The following RPS6KA2 variants were observed in gnomAD, a reference collection of about 807,000 sequenced individuals.
The protein encoded by RPS6KA2 is ribosomal protein S6 kinase alpha-2.
Under a neutral mutation model 91.8 loss-of-function variants are expected in RPS6KA2, and 42 were observed. That is an observed-to-expected ratio of 0.46 (90% CI 0.36 to 0.59). RPS6KA2 has a LOEUF of 0.59. Ranked by LOEUF, RPS6KA2 falls within the 20% of genes least tolerant of loss-of-function variation. The probability of loss-of-function intolerance (pLI) is 0.00; values close to 1 mark genes in which losing one functional copy is unlikely to be tolerated. For missense variants in RPS6KA2, 798 were observed against 978.5 expected (o/e 0.82, Z 2.46); for synonymous variants, 414 against 393.6 (o/e 1.05, Z -0.61).
chr6:166,696,341 T>C (rs1046915855), intron 2 of RPS6KA2, among the ~76,000 whole-genome samples: 5 of 152,198 alleles, frequency 3.3e-5, no homozygotes, highest in African/African-American at 1.2e-4. Context: ...AATAGGTAGA[T>C]GGAAATGCAT....
At chr6:166,439,437 C>T (rs1160780323) in intron 14 of RPS6KA2, among the ~76,000 whole-genome samples, 2 of 152,212 alleles carry the variant, frequency 1.3e-5, no homozygotes, top group Non-Finnish European at 1.5e-5. Flanking sequence ...AACACTTAGC[C>T]TTTCACTACC....
At chr6:166,598,587 C>T (rs1017850141) in intron 1 of RPS6KA2, among the ~76,000 whole-genome samples, 3 of 152,174 alleles carry the variant, frequency 2.0e-5, no homozygotes, top group Non-Finnish European at 4.4e-5. Context: ...GGAGTCTGCC[C>T]ATCATGCACT....
In RPS6KA2 at chr6:166,651,899, C is replaced by T. The variant is rs116578508; in HGVS notation, c.124-113115G>A. 1.0e-3 allele frequency among the ~76,000 whole-genome samples: 157 copies of T among 152,376 alleles called. 2 individuals are homozygous for T. Among genetic ancestry groups the T allele is most frequent in the African/African-American group, 3.7e-3 (153 of 41,592 alleles). Reference sequence around the variant, plus strand: ...AGTTCAGGTGCACACGCACTGTGGACGCACACTGCACTGTGCCCCCCAACG... The same window carrying T: ...AGTTCAGGTGCACACGCACTGTGGATGCACACTGCACTGTGCCCCCCAACG... On this transcript the variant is annotated intron_variant, in intron 2 of 21. Coordinates refer to the RPS6KA2 transcript ENST00000503859.
chr6:166,654,406 G>A (rs1582989703), intron 2 of RPS6KA2, among the ~76,000 whole-genome samples: 1 of 151,240 alleles, frequency 6.6e-6, no homozygotes, highest in South Asian at 2.1e-4. Flanking sequence ...GTGAATTCTA[G>A]ACGGGCCCCA....
intron 11 of RPS6KA2, chr6:166,465,187 G>A (rs1780472882): frequency 6.6e-6 from 1 of 152,220 alleles, no homozygotes; most frequent in Non-Finnish European, 1.5e-5. Context: ...CTGCATTGCA[G>A]AGGGAACGGC....
chr6:166,587,918 T>C (rs1180891070), intron 1 of RPS6KA2, among the ~76,000 whole-genome samples: 3 of 152,176 alleles, frequency 2.0e-5, no homozygotes, highest in African/African-American at 7.2e-5. Context: ...TGCGCCCTCC[T>C]CACTCACTCA....
intron 2 of RPS6KA2, among the ~76,000 whole-genome samples, chr6:166,768,090 A>G (rs920523731): frequency 1.1e-4 from 16 of 152,202 alleles, no homozygotes; most frequent in Non-Finnish European, 2.2e-4. Flanking sequence ...TGATGGATCA[A>G]TGCAGCTCTA....
chr6:166,517,456 T>G (rs13211126), intron 3 of RPS6KA2, among the ~76,000 whole-genome samples: 3 of 13,776 alleles, frequency 2.2e-4, no homozygotes, highest in Admixed American at 9.5e-4. Context: ...TTTTGTTTTG[T>G]TTTTTTTTTT....
intron 10 of RPS6KA2, among the ~76,000 whole-genome samples, chr6:166,471,880 C>A (rs1780784098): frequency 6.6e-6 from 1 of 152,208 alleles, no homozygotes; most frequent in African/African-American, 2.4e-5. Flanking sequence ...TCCTCTAAAC[C>A]CTGAGCCCAG....
chr6:166,723,890 G>A (rs1346816015), intron 2 of RPS6KA2, among the ~76,000 whole-genome samples: 1 of 151,874 alleles, frequency 6.6e-6, no homozygotes, highest in Non-Finnish European at 1.5e-5. Flanking sequence ...AGTAGAGATG[G>A]GGTTTCTCCA....
chr6:166,670,222 C>T (rs1460528684), intron 2 of RPS6KA2, among the ~76,000 whole-genome samples: 2 of 152,244 alleles, frequency 1.3e-5, no homozygotes, highest in Non-Finnish European at 2.9e-5. Flanking sequence ...TTCACCGGTC[C>T]GTGCGGCCTT....
At position 166,856,384 on chromosome 6, in the gene RPS6KA2, C is replaced by T. The variant is rs117833306; in HGVS notation, c.123+1816G>A. On this transcript the variant is annotated intron_variant, in intron 2 of 21. Coordinates refer to the RPS6KA2 transcript ENST00000503859. ...CATGAACCAGAAAGTGTGCCTTCACCAGCCATCAAACCTGCCATGCCTTAA... is the reference window on the plus strand; with the variant it reads ...CATGAACCAGAAAGTGTGCCTTCACTAGCCATCAAACCTGCCATGCCTTAA... 7.2e-4 allele frequency among the ~76,000 whole-genome samples: 109 copies of T among 152,288 alleles called. 2 individuals are homozygous for T. The East Asian group carries it at 0.015, about 21-fold the overall frequency.
At chr6:166,697,513 TC>T (rs972622816) in intron 2 of RPS6KA2, among the ~76,000 whole-genome samples, 2 of 152,222 alleles carry the variant, frequency 1.3e-5, no homozygotes, top group Admixed American at 1.3e-4. Flanking sequence ...TTCTTCCTTT[TC>T]TGTTTTCTGA....
rs932979660 is a variant in RPS6KA2 at position 166,732,044 on chromosome 6, G to A, written c.123+126156C>T. 2.0e-5 allele frequency among the ~76,000 whole-genome samples: 3 copies of A among 152,162 alleles called. No homozygotes were observed. The highest frequency in any genetic ancestry group is 4.8e-5 in the African/African-American group (2 of 41,448). On this transcript the variant is annotated intron_variant, in intron 2 of 21. Transcript: ENST00000503859. The surrounding 1 kb of genome is among the most constrained non-coding windows in gnomAD (Gnocchi z 4.0). ...TATTAGTGGTGGCTACTGAGGAGACGGGAAGGGATGGGATTGGGGAGAAAT... is the reference window on the plus strand; with the variant it reads ...TATTAGTGGTGGCTACTGAGGAGACAGGAAGGGATGGGATTGGGGAGAAAT...
rs368402257 is a variant in RPS6KA2 at position 166,612,857 on chromosome 6, C to T, written c.99+14064G>A. On this transcript the variant is annotated intron_variant, in intron 1 of 20. Coordinates refer to ENST00000265678, the MANE Select transcript of RPS6KA2 (RefSeq NM_021135.6). The surrounding 1 kb of genome is among the most constrained non-coding windows in gnomAD (Gnocchi z 4.3). The stretch of plus-strand genomic sequence containing the variant: ...CTCCCTCTGGCCCTGCGCACTACGT[C>T]CCACTTGTTTCTTGACTCTTCTCCA... Among the ~76,000 whole-genome samples the T allele has an allele frequency of 2.3e-4, 35 of 152,300 alleles. No individual in the cohort carries two copies. The highest frequency in any genetic ancestry group is 8.4e-4 in the African/African-American group (35 of 41,562).
chr6:166,504,522 C>T lies in RPS6KA2; in HGVS notation c.550G>A (p.Asp184Asn). ...HLHSLGIIYR[D>N]LKPENILLDE... is the part of the protein sequence containing the mutation. ...CTCACTTACTTCTCAGGCTTCAGATCTCTGTAGATGATCCCCAGGCTGTGG... is the reference window on the plus strand; with the variant it reads ...CTCACTTACTTCTCAGGCTTCAGATTTCTGTAGATGATCCCCAGGCTGTGG... Residue 184 changes from aspartate (D) to asparagine (N), a missense_variant, in exon 6 of 21, where the codon GAT becomes AAT. Transcript: ENST00000265678. 1 of 1,610,434 alleles carries T rather than the reference C, an allele frequency of 6.2e-7. No individual in the cohort carries two copies.
intron 1 of RPS6KA2, among the ~76,000 whole-genome samples, chr6:166,610,861 T>C (rs973817074): frequency 2.0e-5 from 3 of 152,240 alleles, no homozygotes; most frequent in Admixed American, 1.3e-4. Flanking sequence ...ATAAATAATA[T>C]ACCTTTCCTA....
rs570633936 is a variant in RPS6KA2, at chr6:166,681,351, A to C, written c.124-142567T>G. Reference sequence around the variant, plus strand: ...CCCAAGAAAAATACGAGGCATAGCCAATGGCCTAGGATGCAAAATTATAAA... The same window carrying C: ...CCCAAGAAAAATACGAGGCATAGCCCATGGCCTAGGATGCAAAATTATAAA... On this transcript the variant is annotated intron_variant, in intron 2 of 21. Coordinates refer to the RPS6KA2 transcript ENST00000503859. Among the ~76,000 whole-genome samples the C allele has an allele frequency of 7.2e-5, 11 of 152,354 alleles. No homozygotes were observed. In the South Asian group the frequency reaches 1.7e-3, roughly 23 times the overall value.
chr6:166,572,016 A>G (rs1179038328), intron 1 of RPS6KA2, among the ~76,000 whole-genome samples: 1 of 152,194 alleles, frequency 6.6e-6, no homozygotes, highest in East Asian at 1.9e-4. Context: ...AATATTATAT[A>G]TAAAATAAAA....
Sources: allele counts gnomAD v4.1 joint callset (sites outside exome capture counted in the v4.1 genomes callset), GRCh38; gene constraint gnomAD v4.1.1; non-coding constraint Gnocchi (gnomAD v3.1); transcripts MANE v1.5; gene names NCBI Gene and HGNC (gene_info 2026-07-23, HGNC 2026-07-21).